Variants in PAPPA2 observed in about 807,000 individuals in gnomAD.
PAPPA2 encodes pappalysin-2.
Under a neutral mutation model 176.4 loss-of-function variants are expected in PAPPA2, and 86 were observed. That is an observed-to-expected ratio of 0.49 (90% confidence interval 0.41 to 0.58). PAPPA2 has a LOEUF of 0.58. Ranked by LOEUF, PAPPA2 falls within the 20% of genes least tolerant of loss-of-function variation. PAPPA2 has a pLI of 0.00. For synonymous variants in PAPPA2, 809 were observed against 852.2 expected (o/e 0.95, Z 0.88); for missense variants, 2,073 against 2,256.9 (o/e 0.92, Z 1.65).
chr1:176,507,877 G>A (rs577067286), intron 1 of PAPPA2, among the ~76,000 whole-genome samples: 17 of 151,948 alleles, frequency 1.1e-4, no homozygotes, highest in Admixed American at 5.9e-4. Context: ...TAACAAACCT[G>A]CACATGTACC....
chr1:176,500,976 C>G (rs1647927349), intron 1 of PAPPA2, among the ~76,000 whole-genome samples: 2 of 151,704 alleles, frequency 1.3e-5, no homozygotes, highest in Admixed American at 6.6e-5. Flanking sequence ...TAACTGCGTA[C>G]TGTCAACCTT....
chr1:176,671,732 T>TA (rs1201741021), intron 4 of PAPPA2, among the ~76,000 whole-genome samples: 4 of 151,926 alleles, frequency 2.6e-5, no homozygotes, highest in Non-Finnish European at 5.9e-5. Flanking sequence ...TATGCAGCCA[T>TA]AAAAAATGAT....
At chr1:176,514,679 T>C (rs934928444) in intron 1 of PAPPA2, among the ~76,000 whole-genome samples, 1 of 152,148 alleles carries the variant, frequency 6.6e-6, no homozygotes, top group African/African-American at 2.4e-5. Flanking sequence ...AAAAACGAGG[T>C]GTAGACTTAT....
intron 2 of PAPPA2, among the ~76,000 whole-genome samples, chr1:176,580,627 T>C (rs1407128949): frequency 1.6e-5 from 2 of 125,458 alleles, no homozygotes; most frequent in Non-Finnish European, 3.3e-5. Flanking sequence ...CTTTTTCTCT[T>C]CATCATTGCC....
intron 3 of PAPPA2, among the ~76,000 whole-genome samples, chr1:176,606,645 A>G (rs1333752489): frequency 6.6e-6 from 1 of 151,772 alleles, no homozygotes; most frequent in Non-Finnish European, 1.5e-5. Context: ...TTGTATTTTT[A>G]GTAGAGATGG....
At chr1:176,760,361 G>A (rs1009999277) in intron 14 of PAPPA2, among the ~76,000 whole-genome samples, 4 of 152,180 alleles carry the variant, frequency 2.6e-5, no homozygotes, top group Admixed American at 6.5e-5. Flanking sequence ...GTCTCCTTCT[G>A]GAGTCAGTCT....
intron 14 of PAPPA2, among the ~76,000 whole-genome samples, chr1:176,761,081 A>G (rs1475494802): frequency 6.6e-6 from 1 of 152,122 alleles, no homozygotes. Flanking sequence ...TCGGCCTCCC[A>G]AAGTGCTGGT....
chr1:176,651,478 A>G (rs1166331620), intron 3 of PAPPA2, among the ~76,000 whole-genome samples: 1 of 151,638 alleles, frequency 6.6e-6, no homozygotes, highest in African/African-American at 2.4e-5. Context: ...TAGTTTCCAT[A>G]GGGAAGTCTG....
chr1:176,674,147 C>A (rs905528914), intron 4 of PAPPA2, among the ~76,000 whole-genome samples: 2 of 151,958 alleles, frequency 1.3e-5, no homozygotes, highest in African/African-American at 4.8e-5. Context: ...ACAGAAGAGA[C>A]AAAATTGGGA....
At chr1:176,737,949 G>A (rs975183747) in intron 12 of PAPPA2, among the ~76,000 whole-genome samples, 2 of 152,172 alleles carry the variant, frequency 1.3e-5, no homozygotes, top group Admixed American at 1.3e-4. Flanking sequence ...TCCTAATGGG[G>A]TAAAGCCACC....
chr1:176,722,020 T>C lies in PAPPA2; in HGVS notation c.3798+10039T>C, dbSNP rs527828413. ...AAATTTTGCTCAATATAATCAGCAG[T>C]TAAACTATTTATTAAGTCCTTAGTT... On this transcript the variant is annotated intron_variant, in intron 12 of 22. Transcript: ENST00000367662. Among the ~76,000 whole-genome samples, 65 of 152,344 alleles carry C rather than the reference T, an allele frequency of 4.3e-4. 1 individual carries two copies. The highest frequency in any genetic ancestry group is 7.8e-4 in the Admixed American group (12 of 15,304).
intron 2 of PAPPA2, among the ~76,000 whole-genome samples, chr1:176,594,295 G>C (rs548015347): frequency 6.6e-6 from 1 of 152,350 alleles, no homozygotes; most frequent in South Asian, 2.1e-4. Context: ...ATACCAGAAT[G>C]AGTTAACTTG....
At chr1:176,656,041 A>T (rs1270906944) in intron 3 of PAPPA2, among the ~76,000 whole-genome samples, 1 of 151,838 alleles carries the variant, frequency 6.6e-6, no homozygotes, top group Non-Finnish European at 1.5e-5. Flanking sequence ...AGATTTTCAG[A>T]ATATTTTTTT....
intron 2 of PAPPA2, among the ~76,000 whole-genome samples, chr1:176,568,352 C>T (rs1652108486): frequency 6.6e-6 from 1 of 152,198 alleles, no homozygotes; most frequent in South Asian, 2.1e-4. Flanking sequence ...CCAAGCACTA[C>T]TGTGGTCTGT....
chr1:176,807,765 G>A (rs1038081765), intron 21 of PAPPA2, among the ~76,000 whole-genome samples: 21 of 151,864 alleles, frequency 1.4e-4, no homozygotes, highest in Admixed American at 7.9e-4. Context: ...CAAAGTGCTG[G>A]GATTACAGGC....
At chr1:176,510,836 C>CACACACAA (rs1240957484) in intron 1 of PAPPA2, among the ~76,000 whole-genome samples, 1 of 151,158 alleles carries the variant, frequency 6.6e-6, no homozygotes, top group Non-Finnish European at 1.5e-5. Context: ...CACACACACA[C>CACACACAA]ACACACACAC....
At chr1:176,701,981 A>T (rs962486491) in intron 8 of PAPPA2, among the ~76,000 whole-genome samples, 1 of 152,150 alleles carries the variant, frequency 6.6e-6, no homozygotes, top group Non-Finnish European at 1.5e-5. Flanking sequence ...CAACTGATAC[A>T]ACTCCATTCC....
intron 2 of PAPPA2, among the ~76,000 whole-genome samples, chr1:176,563,327 C>G (rs951881898): frequency 2.6e-5 from 4 of 152,122 alleles, no homozygotes; most frequent in African/African-American, 9.7e-5. Flanking sequence ...CCCTTTCCAC[C>G]TTCAATAGGA....
At chr1:176,718,317 A>G (rs373955501) in intron 12 of PAPPA2, among the ~76,000 whole-genome samples, 1 of 150,952 alleles carries the variant, frequency 6.6e-6, no homozygotes, top group Non-Finnish European at 1.5e-5. Flanking sequence ...TGTCTCTTTT[A>G]TTTTTACTGC....
Sources: gnomAD v4.1 joint callset for allele counts (sites outside exome capture counted in the v4.1 genomes callset) on GRCh38, gnomAD v4.1.1 for gene constraint, MANE v1.5 for transcripts, NCBI Gene and HGNC (gene_info 2026-07-23, HGNC 2026-07-21) for gene names.